MAP4K4: variants seen among roughly 807,000 people sequenced by gnomAD.
The protein encoded by MAP4K4 is HPK/GCK-like kinase HGK.
In MAP4K4, 38 loss-of-function variants were observed where a neutral mutation model predicts 189.6. That is an observed-to-expected ratio of 0.20 (90% confidence interval 0.15 to 0.26). MAP4K4 has a LOEUF of 0.26. Ranked by LOEUF, MAP4K4 falls within the 10% of genes least tolerant of loss-of-function variation. The probability of loss-of-function intolerance (pLI) is 1.00; values close to 1 mark genes in which losing one functional copy is unlikely to be tolerated. For missense variants in MAP4K4, 1,054 were observed against 1,726.9 expected (o/e 0.61, Z 6.91); for synonymous variants, 610 against 624.3 (o/e 0.98, Z 0.34).
chr2:101,878,514 G>C (rs2098279336), intron 27 of MAP4K4, among the ~76,000 whole-genome samples: 1 of 152,172 alleles, frequency 6.6e-6, no homozygotes, highest in East Asian at 1.9e-4. Flanking sequence ...ATGTTTCCTT[G>C]CATAGATGTA....
exon 7 of MAP4K4, chr2:101,831,773 G>A (rs1257578833): frequency 2.5e-6 from 4 of 1,608,718 alleles, no homozygotes; most frequent in African/African-American, 1.3e-5. Context: ...GGAGAAATAC[G>A]TTCATAGGCA....
Position 101,770,496 on chromosome 2 carries a change from T to G in MAP4K4, c.124-20224T>G, listed in dbSNP as rs1046876157. Reference sequence around the variant, plus strand: ...TTTGCCATGTTGGGCAGGCTGGTCTTGAACTCCTGACCTCAGGTGATCCAC... The same window carrying G: ...TTTGCCATGTTGGGCAGGCTGGTCTGGAACTCCTGACCTCAGGTGATCCAC... On this transcript the variant is annotated intron_variant, in intron 2 of 32. Transcript: ENST00000324219. Among the ~76,000 whole-genome samples, 3 of 152,188 alleles carry G rather than the reference T, an allele frequency of 2.0e-5. No individual in the cohort carries two copies. The East Asian group carries it at 5.8e-4, about 29-fold the overall frequency.
chr2:101,702,252 G>C (rs994811923), intron 2 of MAP4K4, among the ~76,000 whole-genome samples: 9 of 152,124 alleles, frequency 5.9e-5, no homozygotes, highest in Admixed American at 3.3e-4. Context: ...TGTGATGGCT[G>C]GTGTTCCAAA....
intron 2 of MAP4K4, among the ~76,000 whole-genome samples, chr2:101,749,267 AG>A (rs1280594325): frequency 6.6e-6 from 1 of 151,724 alleles, no homozygotes. Context: ...CTGTACTACA[AG>A]GCTACAGTAA....
chr2:101,883,735 C>G (rs978871736), intron 28 of MAP4K4, among the ~76,000 whole-genome samples: 1 of 151,942 alleles, frequency 6.6e-6, no homozygotes, highest in African/African-American at 2.4e-5. Flanking sequence ...AAAATATATA[C>G]ATCATCAGTT....
chr2:101,864,798 G>A, intron 17 of MAP4K4, 132 bp from the exon 18 acceptor site: 1 of 630,336 alleles, frequency 1.6e-6, no homozygotes, highest in Non-Finnish European at 2.9e-6. Flanking sequence ...AGGAGTTGGG[G>A]TGGGGAGTGG....
intron 2 of MAP4K4, among the ~76,000 whole-genome samples, chr2:101,714,625 C>G (rs1030202437): frequency 1.3e-5 from 2 of 152,116 alleles, no homozygotes; most frequent in African/African-American, 4.8e-5. Context: ...ACACTGATAC[C>G]AGCCAACTCT....
chr2:101,719,547 AAG>A (rs956991646), intron 2 of MAP4K4, among the ~76,000 whole-genome samples: 16 of 152,174 alleles, frequency 1.1e-4, no homozygotes, highest in African/African-American at 3.1e-4. Flanking sequence ...GGCCCCAGGA[AAG>A]AGGGGGAAAG....
chr2:101,882,818 G>A (rs1339637087), intron 28 of MAP4K4, 133 bp downstream of exon 28: 2 of 923,412 alleles, frequency 2.2e-6, no homozygotes, highest in East Asian at 5.1e-5. Context: ...ATCATTTCTG[G>A]TGTTCTTTCT....
chr2:101,834,504 T>C, intron 8 of MAP4K4, 41 bp downstream of exon 8: 1 of 1,509,846 alleles, frequency 6.6e-7, no homozygotes, highest in Non-Finnish European at 9.1e-7. Flanking sequence ...TTGTTACATG[T>C]GACTTAAACC....
intron 12 of MAP4K4, among the ~76,000 whole-genome samples, chr2:101,846,579 C>T (rs919399093): frequency 6.6e-6 from 1 of 152,098 alleles, no homozygotes; most frequent in East Asian, 1.9e-4. Context: ...TGAAGGTGAG[C>T]GATGGCTCAC....
chr2:101,734,528 A>T (rs1323425225), intron 2 of MAP4K4, among the ~76,000 whole-genome samples: 1 of 152,220 alleles, frequency 6.6e-6, no homozygotes, highest in African/African-American at 2.4e-5. Context: ...GATACATACC[A>T]GTTCAGCCAT....
chr2:101,710,859 A>G (rs2045089033), intron 2 of MAP4K4, among the ~76,000 whole-genome samples: 1 of 152,184 alleles, frequency 6.6e-6, no homozygotes, highest in Non-Finnish European at 1.5e-5. Flanking sequence ...ACTTTGAATA[A>G]AGATAGGAGG....
intron 2 of MAP4K4, among the ~76,000 whole-genome samples, chr2:101,712,894 A>C (rs2046372515): frequency 6.7e-6 from 1 of 150,004 alleles, no homozygotes; most frequent in Non-Finnish European, 1.5e-5. Flanking sequence ...GTTTCTGTTA[A>C]ACCAAAATCT....
chr2:101,807,512 A>C (rs2095066577), intron 3 of MAP4K4, among the ~76,000 whole-genome samples: 1 of 152,190 alleles, frequency 6.6e-6, no homozygotes. Flanking sequence ...CTGTCTCATT[A>C]GTTCCTAGAC....
chr2:101,851,724 C>CTTTT (rs36217584), intron 12 of MAP4K4, among the ~76,000 whole-genome samples: 65 of 67,872 alleles, frequency 9.6e-4, no homozygotes, highest in African/African-American at 1.6e-3. Flanking sequence ...TAACTGTCCT[C>CTTTT]TTTTTTTTTT....
chr2:101,710,726 C>T (rs550171581), intron 2 of MAP4K4, among the ~76,000 whole-genome samples: 3 of 152,232 alleles, frequency 2.0e-5, no homozygotes, highest in Admixed American at 1.3e-4. Context: ...GTGGTATGCA[C>T]AGTGAAGCTT....
chr2:101,741,131 G>T (rs1377228949), intron 2 of MAP4K4, among the ~76,000 whole-genome samples: 8 of 149,828 alleles, frequency 5.3e-5, no homozygotes, highest in Admixed American at 4.0e-4. Flanking sequence ...ACCCTCTTTT[G>T]CTGTACATGG....
intron 2 of MAP4K4, among the ~76,000 whole-genome samples, chr2:101,755,034 A>G (rs1445334033): frequency 1.3e-5 from 2 of 152,184 alleles, no homozygotes; most frequent in Non-Finnish European, 2.9e-5. Flanking sequence ...TTTAAGGTCT[A>G]TATGGGCAGC....
Sources: gnomAD v4.1 joint callset for allele counts (sites outside exome capture counted in the v4.1 genomes callset) on GRCh38, gnomAD v4.1.1 for gene constraint, MANE v1.5 for transcripts, NCBI Gene and HGNC (gene_info 2026-07-23, HGNC 2026-07-21) for gene names.